The following AP1B1 variants were observed in gnomAD, a reference collection of about 807,000 sequenced individuals.
The protein encoded by AP1B1 is AP-1 complex subunit beta-1.
Under a neutral mutation model 104.3 loss-of-function variants are expected in AP1B1, and 36 were observed. That is an observed-to-expected ratio of 0.35 (90% CI 0.26 to 0.46). The LOEUF is 0.46. AP1B1 is among the 20% of genes least tolerant of loss of function. The probability of loss-of-function intolerance (pLI) is 1.00; values close to 1 mark genes in which losing one functional copy is unlikely to be tolerated. For missense variants in AP1B1, 901 were observed against 1,247.9 expected, an observed-to-expected ratio of 0.72 and a Z score of 4.19; for synonymous variants, 504 against 517.5, an observed-to-expected ratio of 0.97 and a Z score of 0.35.
At position 29,328,771 on chromosome 22, in the gene AP1B1, G is replaced by A. The variant is rs1318974142; in HGVS notation, c.*50C>T. The A allele has an allele frequency of 6.3e-7, 1 of 1,575,844 alleles. No homozygotes were observed. The highest frequency in any genetic ancestry group is 1.9e-5 in the Admixed American group (1 of 52,968). On this transcript the variant is annotated 3_prime_UTR_variant, in exon 23 of 23. Transcript: ENST00000357586. The surrounding 1 kb of genome is among the most constrained non-coding windows in gnomAD (Gnocchi z 4.1). ...GAGGAAGATGTGCTGCCCCCGAGGG[G>A]CCTCCTCGATGGGGCGGGCAGAAGG...
chr22:29,387,878 C>T (rs1341498372), intron 1 of AP1B1, among the ~76,000 whole-genome samples: 2 of 152,196 alleles, frequency 1.3e-5, no homozygotes, highest in Non-Finnish European at 2.9e-5. Flanking sequence ...GACTCGATAG[C>T]CACTAGCAAG....
chr22:29,361,982 C>T (rs1365570279), intron 3 of AP1B1, among the ~76,000 whole-genome samples: 3 of 152,052 alleles, frequency 2.0e-5, no homozygotes, highest in Non-Finnish European at 2.9e-5. Flanking sequence ...TTAGTAGAGA[C>T]GGGGTTTCAC....
intron 1 of AP1B1, among the ~76,000 whole-genome samples, chr22:29,368,756 C>CA (rs5844848): frequency 0.14 from 16,375 of 118,642 alleles, 946 homozygotes; most frequent in Middle Eastern, 0.21. Flanking sequence ...AGGATTCAGT[C>CA]AAAAAAAAAA....
chr22:29,340,889 C>T (rs1379132210), intron 13 of AP1B1, 32 bp from the exon 14 acceptor site: 1 of 1,557,854 alleles, frequency 6.4e-7, no homozygotes, highest in Non-Finnish European at 8.7e-7. Context: ...GTGGAGGCAT[C>T]AGGATGTCTC....
chr22:29,360,242 G>C (rs1188637232), intron 3 of AP1B1, among the ~76,000 whole-genome samples: 1 of 152,160 alleles, frequency 6.6e-6, no homozygotes, highest in Non-Finnish European at 1.5e-5. Flanking sequence ...ACTGCCTCTT[G>C]CTAGCTATAT....
intron 2 of AP1B1, among the ~76,000 whole-genome samples, chr22:29,364,350 C>T (rs1220113987): frequency 2.0e-5 from 3 of 152,230 alleles, no homozygotes; most frequent in Non-Finnish European, 4.4e-5. Flanking sequence ...TCTGGCCCTG[C>T]CATGGACAGA....
At chr22:29,369,186 G>A (rs1056559848) in intron 1 of AP1B1, among the ~76,000 whole-genome samples, 2 of 152,060 alleles carry the variant, frequency 1.3e-5, no homozygotes, top group Non-Finnish European at 2.9e-5. Context: ...GAGGGATCAG[G>A]AGTCATTTCA....
chr22:29,348,383 T>A (rs2061824045), intron 11 of AP1B1, among the ~76,000 whole-genome samples: 1 of 152,252 alleles, frequency 6.6e-6, no homozygotes, highest in Non-Finnish European at 1.5e-5. Context: ...TTGATTTCCT[T>A]GTTTAAAATG....
At chr22:29,363,781 C>CA (rs2062089585) in intron 2 of AP1B1, among the ~76,000 whole-genome samples, 1 of 151,910 alleles carries the variant, frequency 6.6e-6, no homozygotes, top group Admixed American at 6.6e-5. Flanking sequence ...CCTGCCGTGC[C>CA]AGCTACTCTG....
intron 11 of AP1B1, among the ~76,000 whole-genome samples, chr22:29,344,610 C>T (rs985622341): frequency 2.0e-5 from 3 of 150,180 alleles, no homozygotes; most frequent in African/African-American, 7.4e-5. Context: ...CTGCAACCTC[C>T]GCCTCCTGGG....
intron 17 of AP1B1, 50 bp from the exon 18 acceptor site, chr22:29,331,966 G>T: frequency 6.4e-7 from 1 of 1,564,684 alleles, no homozygotes; most frequent in African/African-American, 1.4e-5. Flanking sequence ...AGGTGCTGAT[G>T]CGGGACAGGT....
chr22:29,329,629 C>A (rs1236948195), intron 22 of AP1B1, 83 bp downstream of exon 22: 1 of 1,599,966 alleles, frequency 6.3e-7, no homozygotes, highest in South Asian at 1.1e-5. Context: ...GAGGTGCAGA[C>A]AGGAGACATG....
rs932664131 is a variant in AP1B1 at position 29,350,246 on chromosome 22, T to C, written c.1156-96A>G. 6 of 867,612 alleles carry C rather than the reference T, an allele frequency of 6.9e-6. No individual in the cohort carries two copies. In the East Asian group the frequency reaches 1.6e-4, roughly 23 times the overall value. The allele number at this position is 867,612 out of a possible 1,614,324, so 53.7% of individuals were successfully genotyped here. A position where few individuals can be genotyped will look rare whatever the true frequency, so the allele number is the denominator to read the frequency against. On this transcript the variant is annotated intron_variant, in intron 9 of 22. Coordinates refer to ENST00000357586, the MANE Select transcript of AP1B1 (RefSeq NM_001127.4). Reference sequence around the variant, plus strand: ...CCTCGGCCAAGGGCTGCAAATCACTTCTGGCACACCTTCCTCATCACAGTG... The same window carrying C: ...CCTCGGCCAAGGGCTGCAAATCACTCCTGGCACACCTTCCTCATCACAGTG...
At chr22:29,346,516 G>C (rs534193652) in intron 11 of AP1B1, among the ~76,000 whole-genome samples, 3 of 152,208 alleles carry the variant, frequency 2.0e-5, no homozygotes, top group Non-Finnish European at 4.4e-5. Flanking sequence ...TAGAGTTTGC[G>C]CTCCTATGAG....
At position 29,356,577 on chromosome 22, in the gene AP1B1, C is replaced by G. The variant is rs570779704; in HGVS notation, c.565G>C (p.Glu189Gln). The change falls in exon 6 of 23, where the codon GAG becomes CAG. Residue 189 changes from glutamate (E) to glutamine (Q), a missense_variant. Glu to Gln is a conservative substitution (Grantham distance 29). Transcript: ENST00000357586. ...AGCAGGTTGCTGCTGGGGTGAGACT[C>G]GGCAATTTCTGAGAGCGCTGCCACT... Reference protein sequence around the residue: ...NAVAALSEIAESHPSSNLLDL... With the variant: ...NAVAALSEIAQSHPSSNLLDL... The G allele has an allele frequency of 3.7e-6, 6 of 1,614,130 alleles. No individual in the cohort carries two copies. In the South Asian group the frequency reaches 5.5e-5, roughly 15 times the overall value.
At chr22:29,341,123 GC>G (rs1180692529) in intron 13 of AP1B1, among the ~76,000 whole-genome samples, 1 of 152,238 alleles carries the variant, frequency 6.6e-6, no homozygotes, top group Non-Finnish European at 1.5e-5. Context: ...GGATGCCAGT[GC>G]CCTAGGACGG....
At position 29,350,088 on chromosome 22, in the gene AP1B1, C is replaced by T. The variant is rs200437061; in HGVS notation, c.1218G>A (p.Val406=). Residue 406 remains valine, a synonymous_variant, in exon 10 of 23, where the codon GTG becomes GTA. Coordinates refer to ENST00000357586, the MANE Select transcript of AP1B1 (RefSeq NM_001127.4). ...TGATGACCACGATGGCCTCCTGGAC[C>T]ACATAGTTGACCTTGGTCTGGATGA... is the stretch of plus-strand genomic sequence containing the variant. ...LDLIQTKVNY[V]VQEAIVVIKD... 1.1e-5 allele frequency: 17 copies of T among 1,614,076 alleles called. No individual in the cohort carries two copies. Among genetic ancestry groups the T allele is most frequent in the East Asian group, 2.2e-5 (1 of 44,900 alleles).
chr22:29,350,211 G>T, intron 9 of AP1B1, 61 bp from the exon 10 acceptor site: 1 of 1,349,094 alleles, frequency 7.4e-7, no homozygotes, highest in Non-Finnish European at 1.1e-6. Flanking sequence ...TAGAGCCTCT[G>T]ATGTCCACGC....
At chr22:29,341,330 A>G (rs1258219286) in intron 13 of AP1B1, among the ~76,000 whole-genome samples, 171 bp downstream of exon 13, 2 of 152,266 alleles carry the variant, frequency 1.3e-5, no homozygotes, top group Non-Finnish European at 2.9e-5. Flanking sequence ...TTAGGCTGGA[A>G]TGAGGTCATC....
Sources: allele counts gnomAD v4.1 joint callset (sites outside exome capture counted in the v4.1 genomes callset), GRCh38; gene constraint gnomAD v4.1.1; non-coding constraint Gnocchi (gnomAD v3.1); transcripts MANE v1.5; gene names NCBI Gene and HGNC (gene_info 2026-07-23, HGNC 2026-07-21).